Variants in SLC2A5 observed in about 807,000 individuals in gnomAD.
The protein encoded by SLC2A5 is solute carrier family 2 member 5.
Under a neutral mutation model 50.3 loss-of-function variants are expected in SLC2A5, and 56 were observed. The ratio of observed to expected loss-of-function variants is 1.11; its 90% CI spans 0.90 to 1.39. SLC2A5 has a LOEUF of 1.39. Ranked by LOEUF, SLC2A5 falls within the 40% of genes most tolerant of loss-of-function variation. SLC2A5 has a pLI of 0.00. For synonymous variants in SLC2A5, 269 were observed against 281.9 expected, an observed-to-expected ratio of 0.95 and a Z score of 0.46; for missense variants, 566 against 650.1, an observed-to-expected ratio of 0.87 and a Z score of 1.41.
chr1:9,058,364 C>T (rs17842190), intron 1 of SLC2A5, 114 bp from the exon 2 acceptor site: 16,746 of 738,578 alleles, frequency 0.023, 425 homozygotes, highest in East Asian at 0.11. Context: ...AGTCTTGAGA[C>T]TACTCCATTC....
At position 9,038,042 on chromosome 1, in the gene SLC2A5, C is replaced by T. The variant is rs1396577314; in HGVS notation, c.1175-18G>A. The T allele has an allele frequency of 6.2e-7, 1 of 1,612,648 alleles. No homozygotes were observed. The highest frequency in any genetic ancestry group is 2.2e-5 in the East Asian group (1 of 44,858). On this transcript the variant is annotated intron_variant, in intron 10 of 11. Coordinates refer to ENST00000377424, the MANE Select transcript of SLC2A5 (RefSeq NM_003039.3). Reference sequence around the variant, plus strand: ...TATGGGACCTGTAGGGGGAGGAGAGCAGCCTCCCTGAAGGCAGAGCGGGCC... The same window carrying T: ...TATGGGACCTGTAGGGGGAGGAGAGTAGCCTCCCTGAAGGCAGAGCGGGCC...
chr1:9,057,375 AG>A (rs937564244), intron 3 of SLC2A5, 72 bp downstream of exon 3: 1 of 990,926 alleles, frequency 1.0e-6, no homozygotes, highest in African/African-American at 1.7e-5. Context: ...TAAGGATTTC[AG>A]TTGTAGGCCT....
At chr1:9,047,502 G>T in intron 4 of SLC2A5, 108 bp downstream of exon 4, 1 of 1,176,422 alleles carries the variant, frequency 8.5e-7, no homozygotes, top group Non-Finnish European at 1.2e-6. Flanking sequence ...GTATAGGAAC[G>T]CTTTCTACAC....
chr1:9,041,478 C>T (rs1171416334), intron 5 of SLC2A5: 1 of 1,308,876 alleles, frequency 7.6e-7, no homozygotes, highest in Non-Finnish European at 9.7e-7. Flanking sequence ...TGGTGGCTGT[C>T]ATTGCTATGC....
At chr1:9,082,704 G>A in intron 2 of SLC2A5, 1 of 279,728 alleles carries the variant, frequency 3.6e-6, no homozygotes, top group Admixed American at 4.2e-5. Flanking sequence ...TGATGGTCTG[G>A]GGAAAGGCTC....
chr1:9,059,331 G>A (rs1276581020), intron 1 of SLC2A5, among the ~76,000 whole-genome samples: 1 of 150,926 alleles, frequency 6.6e-6, no homozygotes, highest in Non-Finnish European at 1.5e-5. Flanking sequence ...TTTTAGTAGA[G>A]ACGGGGTTTC....
chr1:9,053,460 TA>T (rs1641669308), intron 3 of SLC2A5, among the ~76,000 whole-genome samples: 1 of 59,470 alleles, frequency 1.7e-5, no homozygotes, highest in African/African-American at 7.2e-5. Flanking sequence ...TATTTATATA[TA>T]TTATATATAT....
chr1:9,092,281 G>T (rs143881145), upstream of SLC2A5, among the ~76,000 whole-genome samples: 240 of 152,100 alleles, frequency 1.6e-3, 2 homozygotes, highest in East Asian at 0.016. Context: ...CCACAGTGGG[G>T]GCACAATTCA....
upstream of SLC2A5, chr1:9,071,575 C>G (rs1367559854): frequency 1.3e-5 from 2 of 152,394 alleles, no homozygotes; most frequent in Non-Finnish European, 2.9e-5. Context: ...CGGACACTCC[C>G]AGTCCCCGCC....
In SLC2A5 at chr1:9,080,420, G is replaced by A. The variant is rs146833356; in HGVS notation, c.-59+4594C>T. ...TTCCACAGTAGCTACGCCATTTTAC[G>A]TTCTCACCAACAGTATATAAGAGTT... is the stretch of plus-strand genomic sequence containing the variant. On this transcript the variant is annotated intron_variant, in intron 2 of 5. Transcript: ENST00000464985. Among the ~76,000 whole-genome samples the A allele has an allele frequency of 6.0e-3, 917 of 152,094 alleles. 6 individuals are homozygous for A. Among genetic ancestry groups the A allele is most frequent in the African/African-American group, 0.021 (859 of 41,482 alleles).
intron 2 of SLC2A5, among the ~76,000 whole-genome samples, chr1:9,082,125 A>G (rs1642361924): frequency 1.3e-5 from 2 of 152,126 alleles, no homozygotes. Context: ...ATGTGGAGAA[A>G]TTAGAACACT....
intron 2 of SLC2A5, chr1:9,082,880 CAAAAA>C: frequency 1.5e-5 from 2 of 135,342 alleles, no homozygotes; most frequent in Admixed American, 8.3e-5. Context: ...GCAAACAGGA[CAAAAA>C]AAAAAAAAAA....
chr1:9,067,095 C>T (rs1446662951), intron 1 of SLC2A5, among the ~76,000 whole-genome samples: 2 of 152,110 alleles, frequency 1.3e-5, no homozygotes, highest in African/African-American at 2.4e-5. Flanking sequence ...AGACGCCCTC[C>T]TCCCCGGACC....
At chr1:9,039,497 C>A in intron 8 of SLC2A5, 55 bp downstream of exon 8, 3 of 1,319,496 alleles carry the variant, frequency 2.3e-6, no homozygotes, top group Non-Finnish European at 3.1e-6. Context: ...GAGGCTGGGG[C>A]GTGGGGCCCG....
chr1:9,083,912 A>G (rs1449574594), intron 2 of SLC2A5, among the ~76,000 whole-genome samples: 1 of 152,160 alleles, frequency 6.6e-6, no homozygotes, highest in Non-Finnish European at 1.5e-5. Flanking sequence ...TGGGAGGCCG[A>G]GGCGGGCGGA....
intron 4 of SLC2A5, among the ~76,000 whole-genome samples, chr1:9,044,113 G>T (rs1235439172): frequency 6.6e-6 from 1 of 151,684 alleles, no homozygotes; most frequent in Non-Finnish European, 1.5e-5. Flanking sequence ...TGGATCACTT[G>T]AGGCCAGGAG....
At chr1:9,052,683 T>C (rs1371959182) in intron 3 of SLC2A5, among the ~76,000 whole-genome samples, 2 of 152,176 alleles carry the variant, frequency 1.3e-5, no homozygotes, top group African/African-American at 4.8e-5. Context: ...CTCTATAGCC[T>C]CTTCTCAATT....
At chr1:9,090,316 A>T (rs1220124380), upstream of SLC2A5, among the ~76,000 whole-genome samples, 2 of 152,194 alleles carry the variant, frequency 1.3e-5, no homozygotes, top group Non-Finnish European at 2.9e-5. Context: ...ACTTCTGCAT[A>T]ATAGCTACCC....
chr1:9,070,935 G>A (rs1347840196), upstream of SLC2A5, among the ~76,000 whole-genome samples: 1 of 152,108 alleles, frequency 6.6e-6, no homozygotes. Context: ...TTTCTTCTGC[G>A]TATCACTGTC....
Sources: gnomAD v4.1 joint callset for allele counts (sites outside exome capture counted in the v4.1 genomes callset) on GRCh38, gnomAD v4.1.1 for gene constraint, MANE v1.5 for transcripts, NCBI Gene and HGNC (gene_info 2026-07-23, HGNC 2026-07-21) for gene names.